ARHGAP15: variants seen among roughly 807,000 people sequenced by gnomAD.
ARHGAP15 encodes Rho GTPase activating protein 15.
A neutral mutation model predicts 63.7 loss-of-function variants in ARHGAP15; 51 were observed. The observed-to-expected ratio is 0.80, with a 90% CI of 0.64 to 1.01. The LOEUF is 1.01. Among genes scored for constraint, ARHGAP15 ranks in the 50% least tolerant of loss-of-function variants. The pLI is 0.00. For missense variants in ARHGAP15, 560 were observed against 564.6 expected, an observed-to-expected ratio of 0.99 and a Z score of 0.08; for synonymous variants, 191 against 193.8, an observed-to-expected ratio of 0.99 and a Z score of 0.12.
At chr2:143,240,799 T>C (rs1056465937) in intron 5 of ARHGAP15, among the ~76,000 whole-genome samples, 21 of 152,184 alleles carry the variant, frequency 1.4e-4, no homozygotes, top group African/African-American at 4.8e-4. Context: ...TAATGTAAAC[T>C]TTGGAAGGAA....
At chr2:143,596,594 G>T (rs974882813) in intron 11 of ARHGAP15, among the ~76,000 whole-genome samples, 1 of 152,024 alleles carries the variant, frequency 6.6e-6, no homozygotes, top group African/African-American at 2.4e-5. Flanking sequence ...CCACCCATTT[G>T]CCTAAAATAA....
intron 12 of ARHGAP15, among the ~76,000 whole-genome samples, chr2:143,638,252 A>G (rs1345834026): frequency 2.8e-5 from 4 of 144,396 alleles, no homozygotes; most frequent in Non-Finnish European, 6.1e-5. Context: ...GAACCAACCC[A>G]AATGTCCAAC....
chr2:143,328,392 A>C (rs1275711991), intron 6 of ARHGAP15, among the ~76,000 whole-genome samples: 1 of 152,236 alleles, frequency 6.6e-6, no homozygotes, highest in African/African-American at 2.4e-5. Context: ...CATATACACC[A>C]TGGAATACTA....
chr2:143,689,020 C>A (rs1440944696), intron 12 of ARHGAP15, among the ~76,000 whole-genome samples: 5 of 152,036 alleles, frequency 3.3e-5, no homozygotes, highest in Non-Finnish European at 7.4e-5. Context: ...GCTTGACTTG[C>A]ATATTTTTCA....
At chr2:143,211,734 A>G (rs748186673) in intron 3 of ARHGAP15, among the ~76,000 whole-genome samples, 8 of 152,128 alleles carry the variant, frequency 5.3e-5, no homozygotes, top group Non-Finnish European at 1.0e-4. Flanking sequence ...ACTCATATTT[A>G]TCATCATTAT....
In ARHGAP15 at chr2:143,335,549, T is replaced by C. The variant is rs560891469; in HGVS notation, c.474+84949T>C. Among the ~76,000 whole-genome samples, 3 of 152,304 alleles carry C rather than the reference T, an allele frequency of 2.0e-5. No homozygotes were observed. In the East Asian group the frequency reaches 5.8e-4, roughly 29 times the overall value. On this transcript the variant is annotated intron_variant, in intron 6 of 13. Transcript: ENST00000295095. ...TCATAAGGAGGTGAAATTATAAATA[T>C]TAAATGTTTAAATGCCAAGGAAATG...
At chr2:143,684,006 A>C (rs1683216434) in intron 12 of ARHGAP15, among the ~76,000 whole-genome samples, 1 of 152,214 alleles carries the variant, frequency 6.6e-6, no homozygotes, top group Non-Finnish European at 1.5e-5. Context: ...ATTATATTGA[A>C]GAAGAAAACT....
At chr2:143,219,949 C>T (rs1043976130) in intron 4 of ARHGAP15, among the ~76,000 whole-genome samples, 5 of 152,086 alleles carry the variant, frequency 3.3e-5, no homozygotes, top group Non-Finnish European at 7.4e-5. Flanking sequence ...GATAATAATG[C>T]TTTGTCAATT....
chr2:143,750,238 G>A (rs1053042600), intron 13 of ARHGAP15, among the ~76,000 whole-genome samples: 1 of 152,162 alleles, frequency 6.6e-6, no homozygotes, highest in Non-Finnish European at 1.5e-5. Flanking sequence ...TCAGGAGTTC[G>A]AGACCAGCCT....
chr2:143,178,300 A>T (rs1439268843), intron 2 of ARHGAP15, among the ~76,000 whole-genome samples: 1 of 152,206 alleles, frequency 6.6e-6, no homozygotes, highest in Non-Finnish European at 1.5e-5. Context: ...TTATTTTTTC[A>T]ATGAGAAATA....
intron 8 of ARHGAP15, 90 bp from the exon 9 acceptor site, chr2:143,487,283 C>T: frequency 7.0e-7 from 1 of 1,418,562 alleles, no homozygotes; most frequent in South Asian, 1.4e-5. Flanking sequence ...GTAGTTGTTT[C>T]ATAACTACTG....
chr2:143,165,861 T>A (rs1448582163), intron 2 of ARHGAP15, among the ~76,000 whole-genome samples: 1 of 151,550 alleles, frequency 6.6e-6, no homozygotes, highest in East Asian at 2.0e-4. Flanking sequence ...CAATAACACA[T>A]CATCAAATAG....
intron 5 of ARHGAP15, among the ~76,000 whole-genome samples, chr2:143,231,319 T>A (rs977757755): frequency 6.6e-6 from 1 of 152,156 alleles, no homozygotes; most frequent in African/African-American, 2.4e-5. Context: ...TATTATTACA[T>A]TAGTTTTGTA....
chr2:143,430,029 TG>T (rs1470641074), intron 6 of ARHGAP15, among the ~76,000 whole-genome samples: 1 of 152,106 alleles, frequency 6.6e-6, no homozygotes, highest in Non-Finnish European at 1.5e-5. Context: ...CCTAGTGGCT[TG>T]TTCCTCATAC....
chr2:143,507,794 C>T (rs1693390079), intron 9 of ARHGAP15, among the ~76,000 whole-genome samples: 1 of 152,072 alleles, frequency 6.6e-6, no homozygotes, highest in Non-Finnish European at 1.5e-5. Flanking sequence ...CTGGGATCAC[C>T]CCCGCTTTCT....
intron 10 of ARHGAP15, among the ~76,000 whole-genome samples, chr2:143,531,785 T>C (rs1222472687): frequency 6.6e-6 from 1 of 152,212 alleles, no homozygotes; most frequent in Admixed American, 6.5e-5. Context: ...ACCAATACTG[T>C]GGAATAAAAT....
At position 143,757,891 on chromosome 2, in the gene ARHGAP15, A is replaced by C. The variant is rs182184749; in HGVS notation, c.1245-10098A>C. Among the ~76,000 whole-genome samples, 4 of 152,270 alleles carry C rather than the reference A, an allele frequency of 2.6e-5. No individual in the cohort carries two copies. In the East Asian group the frequency reaches 7.7e-4, roughly 29 times the overall value. ...AAGAAATAGTACTAGATATGACTAC[A>C]TAAGAACTTAAGTAAATAAAATTAA... On this transcript the variant is annotated intron_variant, in intron 13 of 13. Coordinates refer to ENST00000295095, the MANE Select transcript of ARHGAP15 (RefSeq NM_018460.4).
At position 143,417,674 on chromosome 2, in the gene ARHGAP15, G is replaced by C. The variant is rs560310974; in HGVS notation, c.475-17927G>C. ...CACAGATATGACCAAAGTGGTATCT[G>C]CCAAGCCCATATGTTTCAACTTGAG... On this transcript the variant is annotated intron_variant, in intron 6 of 13. Coordinates refer to ENST00000295095, the MANE Select transcript of ARHGAP15 (RefSeq NM_018460.4). Among the ~76,000 whole-genome samples, 11 of 152,282 alleles carry C rather than the reference G, an allele frequency of 7.2e-5. No homozygotes were observed. The South Asian group carries it at 1.5e-3, about 20-fold the overall frequency.
At chr2:143,300,206 C>T (rs1285996972) in intron 6 of ARHGAP15, among the ~76,000 whole-genome samples, 1 of 151,982 alleles carries the variant, frequency 6.6e-6, no homozygotes, top group Non-Finnish European at 1.5e-5. Flanking sequence ...ACCAGTGTGG[C>T]ACATGGAAAT....
Sources: allele counts gnomAD v4.1 joint callset (sites outside exome capture counted in the v4.1 genomes callset), GRCh38; gene constraint gnomAD v4.1.1; transcripts MANE v1.5; gene names NCBI Gene and HGNC (gene_info 2026-07-23, HGNC 2026-07-21).